The following ENOX2 variants were observed in gnomAD, a reference collection of about 807,000 sequenced individuals.
ENOX2 encodes APK1 antigen.
Under a neutral mutation model 45.0 loss-of-function variants are expected in ENOX2, and 36 were observed. The observed-to-expected ratio is 0.80, with a 90% CI of 0.61 to 1.06. ENOX2 has a LOEUF of 1.06. Among genes scored for constraint, ENOX2 ranks in the 50% least tolerant of loss-of-function variants. ENOX2 has a pLI of 0.00. For synonymous variants in ENOX2, 174 were observed against 152.3 expected (o/e 1.14, Z -1.05); for missense variants, 423 against 462.5 (o/e 0.91, Z 0.78).
chrX:130,865,040 ATTTT>A (rs59866457), intron 2 of ENOX2, among the ~76,000 whole-genome samples: 4,252 of 94,470 alleles, frequency 0.045, 94 homozygotes, highest in African/African-American at 0.081. Context: ...TTGGACACAG[ATTTT>A]TTTTTTTTTT....
At chrX:130,749,959 T>C (rs1464117253) in intron 3 of ENOX2, among the ~76,000 whole-genome samples, 3 of 110,541 alleles carry the variant, frequency 2.7e-5, no homozygotes, top group Non-Finnish European at 5.7e-5. Context: ...TGTCACTGTA[T>C]GGTTCTCTCT....
chrX:130,843,144 G>A lies in ENOX2; in HGVS notation c.-183+58540C>T, dbSNP rs186810478. Among the ~76,000 whole-genome samples the A allele has an allele frequency of 2.7e-4, 30 of 111,024 alleles. No homozygotes were observed. In the East Asian group the frequency reaches 5.1e-3, roughly 19 times the overall value. On this transcript the variant is annotated intron_variant, in intron 2 of 14. Coordinates refer to ENST00000394363, the MANE Select transcript of ENOX2 (RefSeq NM_006375.4). ...CTCAGTGTGGGCATCCCATAAATAC[G>A]TTTACTCAACAATCCTGATCTTCCT...
chrX:130,727,567 T>C (rs5977362), intron 3 of ENOX2, among the ~76,000 whole-genome samples: 1,866 of 112,457 alleles, frequency 0.017, 37 homozygotes, highest in African/African-American at 0.057. Context: ...GTGACCTCTT[T>C]TGCAATCTGA....
At chrX:130,730,747 G>T (rs941712517) in intron 3 of ENOX2, among the ~76,000 whole-genome samples, 1 of 109,308 alleles carries the variant, frequency 9.1e-6, no homozygotes, top group Non-Finnish European at 1.9e-5. Context: ...TCGAAGTGGT[G>T]GGGGGCAGAG....
intron 2 of ENOX2, among the ~76,000 whole-genome samples, chrX:130,878,923 C>T (rs1328853966): frequency 8.9e-6 from 1 of 112,269 alleles, no homozygotes; most frequent in Non-Finnish European, 1.9e-5. Context: ...TAAAATGCCA[C>T]CCATAAAACC....
intron 2 of ENOX2, among the ~76,000 whole-genome samples, chrX:130,870,686 C>T (rs958296214): frequency 1.8e-5 from 2 of 111,697 alleles, no homozygotes; most frequent in African/African-American, 6.5e-5. Flanking sequence ...CCCTTTAACA[C>T]ACACCTTGCC....
chrX:130,711,433 A>G (rs1017153669), intron 3 of ENOX2, among the ~76,000 whole-genome samples: 10 of 110,738 alleles, frequency 9.0e-5, no homozygotes, highest in Non-Finnish European at 1.5e-4. Flanking sequence ...GGCTTTTGTA[A>G]TACAAGGCTC....
intron 3 of ENOX2, among the ~76,000 whole-genome samples, chrX:130,779,767 C>T (rs2039931334): frequency 8.9e-6 from 1 of 111,875 alleles, no homozygotes; most frequent in Non-Finnish European, 1.9e-5. Flanking sequence ...GACACCATAT[C>T]TCTGCTAAGA....
chrX:130,891,205 A>T (rs139940170), intron 2 of ENOX2, among the ~76,000 whole-genome samples: 3 of 110,450 alleles, frequency 2.7e-5, no homozygotes, highest in Non-Finnish European at 5.7e-5. Context: ...AATTTTAAAA[A>T]GTTTTTTTTT....
At chrX:130,749,627 G>C (rs2039168761) in intron 3 of ENOX2, among the ~76,000 whole-genome samples, 1 of 110,543 alleles carries the variant, frequency 9.0e-6, no homozygotes, top group South Asian at 3.9e-4. Context: ...AATAATTTTT[G>C]CCAGACACCA....
intron 2 of ENOX2, among the ~76,000 whole-genome samples, chrX:130,818,290 G>A (rs1224132756): frequency 3.6e-5 from 4 of 111,868 alleles, no homozygotes; most frequent in Non-Finnish European, 7.5e-5. Context: ...CTCATGGATA[G>A]GAGGAATCAA....
At position 130,766,866 on chromosome X, in the gene ENOX2, T is replaced by TA. The variant is rs757264875; in HGVS notation, c.-39+16680dup. The stretch of plus-strand genomic sequence containing the variant: ...TAATCTGCAAAATCACCTTATGAGG[T>TA]AGGTGCTATTTTCTCCATTTTACAG... On this transcript the variant is annotated intron_variant, in intron 3 of 14. Transcript: ENST00000394363. Among the ~76,000 whole-genome samples the TA allele has an allele frequency of 8.0e-5, 9 of 112,040 alleles. 1 individual carries two copies. Among genetic ancestry groups the TA allele is most frequent in the Non-Finnish European group, 1.5e-4 (8 of 53,110 alleles).
At chrX:130,729,894 G>A (rs2038698077) in intron 3 of ENOX2, among the ~76,000 whole-genome samples, 1 of 112,156 alleles carries the variant, frequency 8.9e-6, no homozygotes, top group Non-Finnish European at 1.9e-5. Context: ...TCTTTGAGAG[G>A]CTTCCACGTG....
chrX:130,712,075 T>C (rs1295310908), intron 3 of ENOX2, among the ~76,000 whole-genome samples: 1 of 112,307 alleles, frequency 8.9e-6, no homozygotes, highest in Non-Finnish European at 1.9e-5. Flanking sequence ...ACTAGCTGAA[T>C]GACTTTAGGC....
chrX:130,776,380 G>C (rs2148382760), intron 3 of ENOX2, among the ~76,000 whole-genome samples: 1 of 111,403 alleles, frequency 9.0e-6, no homozygotes, highest in East Asian at 2.8e-4. Flanking sequence ...GGCCTGGTGA[G>C]AGGTGTTTTG....
chrX:130,750,486 C>G (rs1484714230), intron 3 of ENOX2, among the ~76,000 whole-genome samples: 1 of 111,593 alleles, frequency 9.0e-6, no homozygotes, highest in Non-Finnish European at 1.9e-5. Flanking sequence ...ACTTCTATCT[C>G]TTTGTCTAGC....
At chrX:130,793,405 T>C (rs181272818) in intron 2 of ENOX2, among the ~76,000 whole-genome samples, 2 of 111,701 alleles carry the variant, frequency 1.8e-5, no homozygotes, top group African/African-American at 6.5e-5. Flanking sequence ...AATGCGGGAG[T>C]AGTCAGTGAT....
chrX:130,776,969 A>G (rs1163554919), intron 3 of ENOX2, among the ~76,000 whole-genome samples: 3 of 112,242 alleles, frequency 2.7e-5, no homozygotes, highest in Non-Finnish European at 3.8e-5. Context: ...GGGGCCTCCC[A>G]TACCACCAGG....
chrX:130,648,451 G>A (rs974356957), intron 10 of ENOX2, among the ~76,000 whole-genome samples: 273 of 109,741 alleles, frequency 2.5e-3, no homozygotes, highest in Non-Finnish European at 4.2e-3. Flanking sequence ...AAAAAAAAAA[G>A]AAGGAATTAA....
Sources: allele counts gnomAD v4.1 joint callset (sites outside exome capture counted in the v4.1 genomes callset), GRCh38; gene constraint gnomAD v4.1.1; transcripts MANE v1.5; gene names NCBI Gene and HGNC (gene_info 2026-07-23, HGNC 2026-07-21).